Variants in ZGRF1 observed in about 807,000 individuals in gnomAD.
ZGRF1 encodes the protein 5'-3' DNA helicase ZGRF1.
Under a neutral mutation model 203.5 loss-of-function variants are expected in ZGRF1, and 196 were observed. The observed-to-expected ratio is 0.96, with a 90% confidence interval of 0.86 to 1.08. The LOEUF (loss-of-function observed/expected upper bound fraction) is 1.08, where lower values mean the gene tolerates loss of function less well. ZGRF1 is among the 50% of genes least tolerant of loss of function. The pLI is 0.00. For synonymous variants in ZGRF1, 809 were observed against 841.3 expected (o/e 0.96, Z 0.66); for missense variants, 2,326 against 2,416.3 (o/e 0.96, Z 0.78).
chr4:112,607,662 C>G (rs1339511559), intron 8 of ZGRF1, among the ~76,000 whole-genome samples: 1 of 152,176 alleles, frequency 6.6e-6, no homozygotes, highest in Non-Finnish European at 1.5e-5. Context: ...ATAGGCCAGG[C>G]ACATGCCTAT....
chr4:112,567,697 A>C (rs533081384), intron 16 of ZGRF1, among the ~76,000 whole-genome samples: 1 of 152,240 alleles, frequency 6.6e-6, no homozygotes, highest in South Asian at 2.1e-4. Flanking sequence ...AGGCTGAGTC[A>C]GGGGGATAAC....
chr4:112,563,534 A>G (rs573732837), intron 16 of ZGRF1, among the ~76,000 whole-genome samples: 17 of 152,274 alleles, frequency 1.1e-4, no homozygotes, highest in African/African-American at 4.1e-4. Context: ...GACTAAAGAG[A>G]TGGCAGAATT....
At chr4:112,600,639 GC>G (rs1182111181) in intron 10 of ZGRF1, among the ~76,000 whole-genome samples, 2 of 152,090 alleles carry the variant, frequency 1.3e-5, no homozygotes, top group Non-Finnish European at 2.9e-5. Context: ...TTGGGAACAA[GC>G]TGAGTGTTGG....
chr4:112,546,054 T>C (rs541052569), intron 24 of ZGRF1, among the ~76,000 whole-genome samples: 3 of 99,240 alleles, frequency 3.0e-5, no homozygotes, highest in Non-Finnish European at 6.6e-5. Flanking sequence ...TTGTACAACA[T>C]TATGAATGTA....
chr4:112,580,198 T>C (rs186381982), intron 16 of ZGRF1, among the ~76,000 whole-genome samples: 2,646 of 123,718 alleles, frequency 0.021, 685 homozygotes, highest in Middle Eastern at 0.068. Context: ...ATTTAACAAA[T>C]GTTGCTGGGA....
At chr4:112,543,229 T>C (rs1331693290) in intron 24 of ZGRF1, among the ~76,000 whole-genome samples, 1 of 152,200 alleles carries the variant, frequency 6.6e-6, no homozygotes, top group African/African-American at 2.4e-5. Flanking sequence ...TCCCCCTTCA[T>C]TGCTTTCTTC....
At chr4:112,633,317 C>T in intron 1 of ZGRF1, 75 bp from the exon 2 acceptor site, 1 of 680,190 alleles carries the variant, frequency 1.5e-6, no homozygotes, top group Non-Finnish European at 2.5e-6. Context: ...TCAATAAACT[C>T]CCAACCACAG....
chr4:112,565,644 T>G (rs1218877949), intron 16 of ZGRF1, among the ~76,000 whole-genome samples: 1 of 151,734 alleles, frequency 6.6e-6, no homozygotes, highest in African/African-American at 2.4e-5. Flanking sequence ...TCCAACAAAT[T>G]TATAAGAAAA....
At chr4:112,567,915 T>C (rs1743432198) in intron 16 of ZGRF1, among the ~76,000 whole-genome samples, 1 of 151,830 alleles carries the variant, frequency 6.6e-6, no homozygotes, top group African/African-American at 2.4e-5. Context: ...AGTGAGACCC[T>C]GTCTCAAAAA....
At chr4:112,587,952 T>C in intron 11 of ZGRF1, 23 bp from the exon 12 acceptor site, 1 of 1,488,038 alleles carries the variant, frequency 6.7e-7, no homozygotes, top group Non-Finnish European at 8.9e-7. Context: ...AGAATGCTGA[T>C]TAAATAAAAA....
intron 23 of ZGRF1, among the ~76,000 whole-genome samples, 169 bp downstream of exon 23, chr4:112,548,084 G>A (rs1268669384): frequency 6.6e-6 from 1 of 152,000 alleles, no homozygotes; most frequent in Admixed American, 6.6e-5. Flanking sequence ...TGGGATTTTA[G>A]GCACACACTA....
At chr4:112,631,377 AAT>A in intron 3 of ZGRF1, among the ~76,000 whole-genome samples, 1 of 152,038 alleles carries the variant, frequency 6.6e-6, no homozygotes, top group East Asian at 1.9e-4. Flanking sequence ...TATCATTAAC[AAT>A]AGTCACTCAG....
chr4:112,618,214 G>A lies in ZGRF1; in HGVS notation c.1828C>T (p.Pro610Ser), dbSNP rs1424448607. The change falls in exon 6 of 28, where the codon CCA becomes TCA. Residue 610 changes from proline to serine, a missense_variant. Transcript: ENST00000505019. The part of the protein sequence containing the change: ...TVTFPVKETL[P>S]SQFCDKTYVG... ...TAAGTTTTATCACAAAACTGTGATG[G>A]CAGAGTCTCTTTAACAGGAAATGTC... The A allele has an allele frequency of 1.2e-6, 2 of 1,613,782 alleles. No individual in the cohort carries two copies. Among genetic ancestry groups the A allele is most frequent in the Non-Finnish European group, 1.7e-6 (2 of 1,179,882 alleles).
chr4:112,567,363 A>AT (rs1157237472), intron 16 of ZGRF1, among the ~76,000 whole-genome samples: 3 of 152,194 alleles, frequency 2.0e-5, no homozygotes, highest in Admixed American at 6.5e-5. Flanking sequence ...TAAAAAAAAA[A>AT]CAAAAACTGG....
chr4:112,606,471 G>C (rs1414220432), intron 8 of ZGRF1, among the ~76,000 whole-genome samples: 1 of 152,132 alleles, frequency 6.6e-6, no homozygotes, highest in Non-Finnish European at 1.5e-5. Flanking sequence ...AGACCAGCCT[G>C]ACCACCATGG....
chr4:112,617,456 T>C lies in ZGRF1; in HGVS notation c.2586A>G (p.Pro862=). 1.3e-6 allele frequency: 2 copies of C among 1,552,568 alleles called. No individual in the cohort carries two copies. The highest frequency in any genetic ancestry group is 1.7e-6 in the Non-Finnish European group (2 of 1,154,632). The part of the protein sequence containing the change: ...FQQGTQQTYE[P]DSPPEVRKPF... ...AATTCTAACCTTCAGGAGGGCTATC[T>C]GGCTCATACGTCTGTTGAGTTCCTT... The change falls in exon 6 of 28, where the codon CCA becomes CCG. Residue 862 remains proline, a synonymous_variant. Transcript: ENST00000505019.
At chr4:112,571,826 G>C (rs1308314553) in intron 16 of ZGRF1, among the ~76,000 whole-genome samples, 1 of 152,146 alleles carries the variant, frequency 6.6e-6, no homozygotes, top group Admixed American at 6.5e-5. Context: ...AGAACAGCCA[G>C]GTCACATCTA....
At position 112,612,517 on chromosome 4, in the gene ZGRF1, C is replaced by A. The variant is rs2046722552; in HGVS notation, c.2667+7G>T. On this transcript the variant is annotated splice_region_variant and intron_variant, in intron 7 of 27. Transcript: ENST00000505019. ...AAAAAACATACTCTTAGAAAAAAAACCTGTACCTGTTGAGAATCCTTGTGC... is the reference window on the plus strand; with the variant it reads ...AAAAAACATACTCTTAGAAAAAAAAACTGTACCTGTTGAGAATCCTTGTGC... The A allele has an allele frequency of 2.5e-6, 4 of 1,573,982 alleles. No homozygotes were observed. The East Asian group carries it at 6.7e-5, about 27-fold the overall frequency.
At chr4:112,581,021 A>C (rs1300864615) in intron 16 of ZGRF1, among the ~76,000 whole-genome samples, 2 of 152,222 alleles carry the variant, frequency 1.3e-5, no homozygotes, top group East Asian at 3.9e-4. Context: ...AAAACTTGGA[A>C]CCAACCCAAA....
Sources: gnomAD v4.1 joint callset for allele counts (sites outside exome capture counted in the v4.1 genomes callset) on GRCh38, gnomAD v4.1.1 for gene constraint, MANE v1.5 for transcripts, NCBI Gene and HGNC (gene_info 2026-07-23, HGNC 2026-07-21) for gene names.